HIP1: variants seen among roughly 807,000 people sequenced by gnomAD.
The protein encoded by HIP1 is huntingtin interacting protein 1.
In HIP1, 65 loss-of-function variants were observed where a neutral mutation model predicts 147.6. That is an observed-to-expected ratio of 0.44 (90% CI 0.36 to 0.54). The LOEUF (loss-of-function observed/expected upper bound fraction) is 0.54. HIP1 is among the 20% of genes least tolerant of loss of function. The pLI is 0.00. For missense variants in HIP1, 1,061 were observed against 1,299.6 expected (o/e 0.82, Z 2.82); for synonymous variants, 479 against 504.0 (o/e 0.95, Z 0.67).
Position 75,555,493 on chromosome 7 carries a change from T to C in HIP1, c.1886A>G (p.Lys629Arg), listed in dbSNP as rs1334806920. Residue 629 changes from lysine to arginine, a missense_variant, in exon 19 of 31, where the codon AAG (lysine) becomes AGG (arginine). By Grantham distance (26) the Lys-to-Arg change is conservative. Transcript: ENST00000336926. ...QRKMLLVGSR[K>R]AAEQVIQDAL... ...GTCTTGTATCACCTGCTCCGCAGCC[T>C]TCCTGGACCCCACCAGAAGCATTTT... The C allele has an allele frequency of 5.6e-6, 9 of 1,614,112 alleles. No homozygotes were observed. The highest frequency in any genetic ancestry group is 7.6e-6 in the Non-Finnish European group (9 of 1,180,044).
chr7:75,544,214 G>T (rs1294303742), intron 27 of HIP1, among the ~76,000 whole-genome samples: 1 of 150,528 alleles, frequency 6.6e-6, no homozygotes, highest in Admixed American at 6.6e-5. Flanking sequence ...GATAGTATGG[G>T]ACCCTTAACA....
chr7:75,629,975 A>G (rs1798159480), intron 1 of HIP1, among the ~76,000 whole-genome samples: 1 of 152,172 alleles, frequency 6.6e-6, no homozygotes, highest in Admixed American at 6.5e-5. Flanking sequence ...CCAGGGAAAC[A>G]TAGCAAAATC....
chr7:75,680,587 T>C (rs1173527098), intron 1 of HIP1, among the ~76,000 whole-genome samples: 2 of 150,556 alleles, frequency 1.3e-5, no homozygotes, highest in African/African-American at 4.9e-5. Flanking sequence ...GGTTTGCTAC[T>C]GTTCTTAGGA....
intron 1 of HIP1, among the ~76,000 whole-genome samples, chr7:75,622,546 C>G (rs1797878270): frequency 6.6e-6 from 1 of 151,424 alleles, no homozygotes; most frequent in Non-Finnish European, 1.5e-5. Flanking sequence ...ACCAAAAATA[C>G]AAACATTGCA....
chr7:75,681,512 T>TGG, intron 1 of HIP1, among the ~76,000 whole-genome samples: 2 of 146,446 alleles, frequency 1.4e-5, no homozygotes, highest in East Asian at 4.0e-4. Context: ...TTTTTTTTTT[T>TGG]TTTTTTTTTT....
chr7:75,682,011 A>G (rs1409137897), intron 1 of HIP1, among the ~76,000 whole-genome samples: 2 of 144,684 alleles, frequency 1.4e-5, no homozygotes, highest in African/African-American at 5.1e-5. Flanking sequence ...ATCTAAGGCA[A>G]CAACCTCTTT....
chr7:75,581,816 A>G (rs1584829209), intron 6 of HIP1, among the ~76,000 whole-genome samples: 2 of 152,206 alleles, frequency 1.3e-5, no homozygotes, highest in South Asian at 4.1e-4. Flanking sequence ...TGACAGAGGG[A>G]GAGGATAGGT....
intron 1 of HIP1, among the ~76,000 whole-genome samples, chr7:75,630,524 G>C (rs931834796): frequency 2.0e-5 from 3 of 151,950 alleles, no homozygotes; most frequent in Admixed American, 1.3e-4. Flanking sequence ...ACAGAGATAG[G>C]GAGTGTGCCT....
At position 75,568,129 on chromosome 7, in the gene HIP1, C is replaced by T. The variant is rs1795477715; in HGVS notation, c.803+70G>A. On this transcript the variant is annotated intron_variant, in intron 9 of 30. Coordinates refer to ENST00000336926, the MANE Select transcript of HIP1 (RefSeq NM_005338.7). The surrounding 1 kb of genome is among the most constrained non-coding windows in gnomAD (Gnocchi z 4.1). ...CTGTGTCCAGCCACCTCTCACAGTG[C>T]ACTTGCATGGCTTAATGATTTTATA... 3.6e-6 allele frequency: 4 copies of T among 1,099,988 alleles called. No homozygotes were observed. Among genetic ancestry groups the T allele is most frequent in the Non-Finnish European group, 5.6e-6 (4 of 711,780 alleles). The allele number at this position is 1,099,988 out of a possible 1,614,324, so 68.1% of individuals were successfully genotyped here.
chr7:75,709,755 T>A (rs1801112022), intron 1 of HIP1, among the ~76,000 whole-genome samples: 1 of 152,242 alleles, frequency 6.6e-6, no homozygotes, highest in Admixed American at 6.5e-5. Flanking sequence ...CCTTGTAATG[T>A]TCCTGGATCT....
intron 1 of HIP1, among the ~76,000 whole-genome samples, chr7:75,668,573 C>T (rs190525487): frequency 6.6e-6 from 1 of 152,066 alleles, no homozygotes; most frequent in Non-Finnish European, 1.5e-5. Context: ...GATCCACCCA[C>T]CTTGGCCTCC....
intron 1 of HIP1, among the ~76,000 whole-genome samples, chr7:75,733,219 T>C (rs1286702809): frequency 6.6e-6 from 1 of 152,088 alleles, no homozygotes; most frequent in Non-Finnish European, 1.5e-5. Context: ...TTTTGAATCC[T>C]GGCCCTTCCA....
chr7:75,643,727 C>T (rs368061958), intron 1 of HIP1, among the ~76,000 whole-genome samples: 80 of 152,174 alleles, frequency 5.3e-4, no homozygotes, highest in African/African-American at 1.8e-3. Context: ...TGGCTGGGCG[C>T]GGTGGCTCAC....
intron 1 of HIP1, among the ~76,000 whole-genome samples, chr7:75,736,285 A>G (rs1554523655): frequency 6.6e-6 from 1 of 152,070 alleles, no homozygotes; most frequent in Non-Finnish European, 1.5e-5. Flanking sequence ...AACTTTCACA[A>G]ACCTAATTTC....
chr7:75,646,473 G>T (rs1798807545), intron 1 of HIP1, among the ~76,000 whole-genome samples: 1 of 152,268 alleles, frequency 6.6e-6, no homozygotes, highest in South Asian at 2.1e-4. Flanking sequence ...CAGCGTGCCA[G>T]GGGGCATGGC....
intron 1 of HIP1, among the ~76,000 whole-genome samples, chr7:75,732,967 C>T (rs111582823): frequency 0.042 from 6,360 of 152,254 alleles, 159 homozygotes; most frequent in Middle Eastern, 0.068. Flanking sequence ...ACTCACGAGC[C>T]CCCCAGAGCC....
At chr7:75,582,589 C>T (rs587757576) in intron 5 of HIP1, among the ~76,000 whole-genome samples, 2 of 152,228 alleles carry the variant, frequency 1.3e-5, no homozygotes, top group Admixed American at 6.5e-5. Context: ...GCAGATGGAT[C>T]ACTTGGGGTC....
chr7:75,735,862 A>G (rs569022985), intron 1 of HIP1, among the ~76,000 whole-genome samples: 78 of 151,624 alleles, frequency 5.1e-4, no homozygotes, highest in African/African-American at 1.7e-3. Flanking sequence ...AGCTAATTTT[A>G]TTTTTTGTAG....
rs148865925 is a variant in HIP1 at position 75,616,187 on chromosome 7, C to T, written c.121-16940G>A. Among the ~76,000 whole-genome samples the T allele has an allele frequency of 1.7e-3, 260 of 151,314 alleles. 1 individual carries two copies. The highest frequency in any genetic ancestry group is 2.4e-3 in the Non-Finnish European group (166 of 67,892). ...CGTCCTAGACAAGAATGAGAAAGGA[C>T]AGGCTGCTAGGGGTCCAAACCACCG... is the stretch of plus-strand genomic sequence containing the variant. On this transcript the variant is annotated intron_variant, in intron 1 of 30. Transcript: ENST00000336926.
Sources: allele counts gnomAD v4.1 joint callset (sites outside exome capture counted in the v4.1 genomes callset), GRCh38; gene constraint gnomAD v4.1.1; non-coding constraint Gnocchi (gnomAD v3.1); transcripts MANE v1.5; gene names NCBI Gene and HGNC (gene_info 2026-07-23, HGNC 2026-07-21).